Variants in DOCK3 observed in about 807,000 individuals in gnomAD.
DOCK3 encodes the protein dedicator of cytokinesis 3.
A neutral mutation model predicts 265.6 loss-of-function variants in DOCK3; 60 were observed. The ratio of observed to expected loss-of-function variants is 0.23; its 90% CI spans 0.18 to 0.28. The LOEUF (loss-of-function observed/expected upper bound fraction) is 0.28, where lower values mean the gene tolerates loss of function less well. Among genes scored for constraint, DOCK3 ranks in the 10% least tolerant of loss-of-function variants. DOCK3 has a pLI of 1.00. For missense variants in DOCK3, 1,981 were observed against 2,594.3 expected (o/e 0.76, Z 5.14); for synonymous variants, 881 against 938.0 (o/e 0.94, Z 1.11).
intron 3 of DOCK3, among the ~76,000 whole-genome samples, chr3:50,845,641 CTG>C (rs2046044671): frequency 6.6e-6 from 1 of 152,142 alleles, no homozygotes. Flanking sequence ...AACAGGGAAT[CTG>C]TCATTCAACA....
At chr3:51,116,480 T>A (rs913213057) in intron 9 of DOCK3, among the ~76,000 whole-genome samples, 1 of 150,636 alleles carries the variant, frequency 6.6e-6, no homozygotes, top group African/African-American at 2.5e-5. Flanking sequence ...AAAGGGTAGT[T>A]TTTTTCTAAT....
At chr3:50,937,552 A>T (rs2051447961) in intron 5 of DOCK3, among the ~76,000 whole-genome samples, 1 of 151,934 alleles carries the variant, frequency 6.6e-6, no homozygotes. Context: ...GCTACTCGAG[A>T]GGCTGAGGCA....
chr3:50,854,592 G>GTTTTTTGTTTTTTTT (rs2046496720), intron 3 of DOCK3, among the ~76,000 whole-genome samples: 1 of 47,214 alleles, frequency 2.1e-5, no homozygotes, highest in South Asian at 1.4e-3. Context: ...CATCACACCA[G>GTTTTTTGTTTTTTTT]TTTTTTTTTT....
At chr3:50,709,492 C>A (rs1274690934) in intron 1 of DOCK3, among the ~76,000 whole-genome samples, 1 of 152,100 alleles carries the variant, frequency 6.6e-6, no homozygotes, top group African/African-American at 2.4e-5. Flanking sequence ...AGCGTTCAGT[C>A]CTTCACCATT....
intron 1 of DOCK3, among the ~76,000 whole-genome samples, chr3:50,754,328 C>T (rs572444138): frequency 8.5e-5 from 13 of 152,128 alleles, no homozygotes; most frequent in Non-Finnish European, 1.6e-4. Context: ...AGAAAAGCTA[C>T]CTGCCAGGTA....
At chr3:51,071,464 A>G (rs1408005844) in intron 6 of DOCK3, among the ~76,000 whole-genome samples, 1 of 152,184 alleles carries the variant, frequency 6.6e-6, no homozygotes. Context: ...CTGTTTAAAG[A>G]GTTTTTTATC....
chr3:51,031,273 C>T (rs754984031), intron 5 of DOCK3, among the ~76,000 whole-genome samples: 1 of 151,962 alleles, frequency 6.6e-6, no homozygotes, highest in Non-Finnish European at 1.5e-5. Context: ...AGGGTTGAGC[C>T]TTAGAAAGGT....
At chr3:51,020,160 C>T (rs565515918) in intron 5 of DOCK3, among the ~76,000 whole-genome samples, 2 of 151,794 alleles carry the variant, frequency 1.3e-5, no homozygotes, top group African/African-American at 2.4e-5. Flanking sequence ...AGATAATAGC[C>T]CTTCTGACTG....
chr3:50,743,469 C>T (rs2039212257), intron 1 of DOCK3, among the ~76,000 whole-genome samples: 1 of 147,986 alleles, frequency 6.8e-6, no homozygotes. Context: ...CAGAGACACA[C>T]ATAGGCTCAA....
chr3:50,791,340 T>G (rs1220422795), intron 2 of DOCK3, among the ~76,000 whole-genome samples: 1 of 145,666 alleles, frequency 6.9e-6, no homozygotes, highest in Non-Finnish European at 1.5e-5. Context: ...CTCGGCTCAC[T>G]GCAACCTCTG....
intron 6 of DOCK3, among the ~76,000 whole-genome samples, chr3:51,066,558 C>G (rs2109296091): frequency 6.6e-6 from 1 of 152,220 alleles, no homozygotes; most frequent in African/African-American, 2.4e-5. Context: ...CAAATCCCAA[C>G]CATCTAATTA....
chr3:50,784,480 T>G (rs898028878), intron 2 of DOCK3, among the ~76,000 whole-genome samples: 3 of 152,204 alleles, frequency 2.0e-5, no homozygotes, highest in Admixed American at 1.3e-4. Flanking sequence ...TTAGTCTTGC[T>G]TCGGCTATGT....
At chr3:51,219,366 G>A (rs2089962023) in intron 14 of DOCK3, among the ~76,000 whole-genome samples, 1 of 152,060 alleles carries the variant, frequency 6.6e-6, no homozygotes, top group Admixed American at 6.6e-5. Context: ...ATGGAATGTT[G>A]CAATACTGGG....
At chr3:51,248,649 C>T (rs1049310031) in intron 22 of DOCK3, among the ~76,000 whole-genome samples, 12 of 152,002 alleles carry the variant, frequency 7.9e-5, no homozygotes, top group East Asian at 7.8e-4. Context: ...TCCGCCTGGC[C>T]GCCCATCGTC....
At chr3:51,261,052 A>C (rs1398022742) in intron 23 of DOCK3, among the ~76,000 whole-genome samples, 1 of 152,154 alleles carries the variant, frequency 6.6e-6, no homozygotes, top group Non-Finnish European at 1.5e-5. Context: ...GAATGAAATA[A>C]TTTGAAAAAC....
chr3:51,060,046 C>G (rs994112867), intron 5 of DOCK3, among the ~76,000 whole-genome samples: 8 of 152,142 alleles, frequency 5.3e-5, no homozygotes, highest in African/African-American at 1.9e-4. Flanking sequence ...GAAGAGTTGT[C>G]TGTGCTCTTT....
intron 4 of DOCK3, among the ~76,000 whole-genome samples, chr3:50,892,804 G>GC (rs1296339607): frequency 7.9e-5 from 12 of 152,082 alleles, no homozygotes; most frequent in Non-Finnish European, 1.6e-4. Context: ...TCATTTCAAT[G>GC]CATCACTCTA....
intron 3 of DOCK3, among the ~76,000 whole-genome samples, chr3:50,885,906 G>T (rs1019089693): frequency 1.1e-4 from 16 of 152,068 alleles, no homozygotes; most frequent in East Asian, 1.9e-4. Context: ...GGGGGTTGCT[G>T]TTTGACAGCA....
intron 21 of DOCK3, among the ~76,000 whole-genome samples, chr3:51,245,859 A>T (rs1267200339): frequency 6.6e-6 from 1 of 152,158 alleles, no homozygotes; most frequent in Admixed American, 6.5e-5. Flanking sequence ...ATTTGTGATA[A>T]CTTTGAGATG....
Sources: allele counts gnomAD v4.1 joint callset (sites outside exome capture counted in the v4.1 genomes callset), GRCh38; gene constraint gnomAD v4.1.1; transcripts MANE v1.5; gene names NCBI Gene and HGNC (gene_info 2026-07-23, HGNC 2026-07-21).